SGMS2: variants seen among roughly 807,000 people sequenced by gnomAD.
SGMS2 encodes the protein sphingomyelin synthase 2.
In SGMS2, 21 loss-of-function variants were observed where a neutral mutation model predicts 43.8. That is an observed-to-expected ratio of 0.48 (90% CI 0.34 to 0.69). The LOEUF is 0.69. Among genes scored for constraint, SGMS2 ranks in the 30% least tolerant of loss-of-function variants. SGMS2 has a pLI of 0.01. For synonymous variants in SGMS2, 167 were observed against 160.6 expected, an observed-to-expected ratio of 1.04 and a Z score of -0.30; for missense variants, 384 against 443.2, an observed-to-expected ratio of 0.87 and a Z score of 1.20.
At chr4:107,895,196 T>C (rs1016187101) in intron 2 of SGMS2, 114 bp from the exon 3 acceptor site, 1 of 201,438 alleles carries the variant, frequency 5.0e-6, no homozygotes, top group Non-Finnish European at 1.0e-5. Context: ...TGACGTTACA[T>C]TTATAAAGCA....
intron 2 of SGMS2, among the ~76,000 whole-genome samples, chr4:107,873,077 C>T (rs1451844791): frequency 3.9e-5 from 6 of 152,170 alleles, no homozygotes; most frequent in Admixed American, 2.0e-4. Context: ...TTTTATGCTC[C>T]GTTCTGATTA....
rs1728005251 is a variant in SGMS2 at position 107,864,971 on chromosome 4, C to CT, written c.-245+6419dup. ...TACCATTTACATGAATTTAAGTTCT[C>CT]TATCTTTCATCAGGTATCTTTATGT... On this transcript the variant is annotated intron_variant, in intron 2 of 6. Coordinates refer to ENST00000690982, the MANE Select transcript of SGMS2 (RefSeq NM_001375905.1). Among the ~76,000 whole-genome samples, 18 of 152,260 alleles carry CT rather than the reference C, an allele frequency of 1.2e-4. No individual in the cohort carries two copies. The South Asian group carries it at 3.7e-3, about 32-fold the overall frequency.
At chr4:107,847,434 C>T (rs1483855601) in intron 1 of SGMS2, among the ~76,000 whole-genome samples, 4 of 151,844 alleles carry the variant, frequency 2.6e-5, no homozygotes, top group East Asian at 3.9e-4. Flanking sequence ...AGATATGCGG[C>T]GTTATTTCTG....
rs1490408902 is a variant in SGMS2, at chr4:107,829,999, ATAGG to A, written c.-327+4750_-327+4753del. Among the ~76,000 whole-genome samples the A allele has an allele frequency of 5.9e-5, 9 of 152,180 alleles. No homozygotes were observed. The South Asian group carries it at 1.9e-3, about 32-fold the overall frequency. On this transcript the variant is annotated intron_variant, in intron 1 of 6. Transcript: ENST00000690982. ...TGTCACTCAGATAGCATAGTACCTG[ATAGG>A]TAGTTTTTCAGTCTTCACCCTCCTC...
intron 2 of SGMS2, among the ~76,000 whole-genome samples, chr4:107,890,736 T>G (rs1730140512): frequency 6.6e-6 from 1 of 151,356 alleles, no homozygotes; most frequent in Non-Finnish European, 1.5e-5. Flanking sequence ...CATGAAGGCC[T>G]TTTAAATACA....
chr4:107,909,418 G>GC (rs1731918897), intron 6 of SGMS2, among the ~76,000 whole-genome samples: 1 of 152,040 alleles, frequency 6.6e-6, no homozygotes, highest in African/African-American at 2.4e-5. Context: ...GCCGATAGCA[G>GC]CTATTGTTTA....
chr4:107,896,065 T>C, intron 3 of SGMS2, 57 bp downstream of exon 3: 1 of 1,464,232 alleles, frequency 6.8e-7, no homozygotes, highest in Admixed American at 2.1e-5. Flanking sequence ...AGTGAATAGA[T>C]GGGTTATTGA....
chr4:107,858,860 TTG>T (rs756949867), intron 2 of SGMS2, among the ~76,000 whole-genome samples: 3 of 152,228 alleles, frequency 2.0e-5, no homozygotes, highest in Admixed American at 2.0e-4. Context: ...TCTAACCTGT[TTG>T]CATTACTGCC....
rs750615684 is a variant in SGMS2 at position 107,908,602 on chromosome 4, C to T, written c.765C>T (p.Cys255=). 1.9e-6 allele frequency: 3 copies of T among 1,614,044 alleles called. No individual in the cohort carries two copies. The highest frequency in any genetic ancestry group is 1.7e-4 in the Middle Eastern group (1 of 6,056). ...PRHFWWYHLI[C]WLLSAAGIIC... Reference sequence around the variant, plus strand: ...ACTTCTGGTGGTATCATTTAATCTGCTGGCTGCTGAGTGCTGCCGGGATCA... The same window carrying T: ...ACTTCTGGTGGTATCATTTAATCTGTTGGCTGCTGAGTGCTGCCGGGATCA... The change falls in exon 6 of 7, where the codon TGC becomes TGT. Residue 255 remains cysteine, a synonymous_variant. Coordinates refer to ENST00000690982, the MANE Select transcript of SGMS2 (RefSeq NM_001375905.1).
At chr4:107,890,970 C>G (rs968064717) in intron 2 of SGMS2, among the ~76,000 whole-genome samples, 1 of 152,090 alleles carries the variant, frequency 6.6e-6, no homozygotes, top group East Asian at 1.9e-4. Flanking sequence ...AAGGCAGAAC[C>G]CTAGCTATTG....
intron 1 of SGMS2, among the ~76,000 whole-genome samples, chr4:107,830,691 G>A (rs1183644492): frequency 6.6e-6 from 1 of 152,102 alleles, no homozygotes; most frequent in African/African-American, 2.4e-5. Flanking sequence ...TGAGAAGTCA[G>A]TTTGTGGGTT....
intron 2 of SGMS2, among the ~76,000 whole-genome samples, chr4:107,887,271 A>G (rs1303994542): frequency 6.6e-6 from 1 of 152,172 alleles, no homozygotes; most frequent in South Asian, 2.1e-4. Context: ...CACCTTCTAA[A>G]GAGGACCAAA....
intron 2 of SGMS2, among the ~76,000 whole-genome samples, chr4:107,860,744 C>T (rs1173499057): frequency 1.3e-5 from 2 of 152,078 alleles, no homozygotes; most frequent in East Asian, 1.9e-4. Context: ...AGGCTGGTTT[C>T]GAACTCCTGA....
At chr4:107,859,217 G>A (rs536109349) in intron 2 of SGMS2, among the ~76,000 whole-genome samples, 1 of 151,842 alleles carries the variant, frequency 6.6e-6, no homozygotes, top group South Asian at 2.1e-4. Context: ...TATATCTCTG[G>A]GCACCTTAAG....
At chr4:107,835,709 A>T (rs1578501044) in intron 1 of SGMS2, among the ~76,000 whole-genome samples, 1 of 152,352 alleles carries the variant, frequency 6.6e-6, no homozygotes, top group Non-Finnish European at 1.5e-5. Flanking sequence ...GTAGCCAAGT[A>T]AGAAAGCTTC....
Position 107,895,858 on chromosome 4 carries a change from A to T in SGMS2, c.305A>T (p.Glu102Val). The stretch of plus-strand genomic sequence containing the variant: ...ACCGTCATGATCACAGTTGTACATG[A>T]GAGGGTCCCTCCCAAGGAGCTTAGC... Reference protein sequence around the residue: ...LTTVMITVVHERVPPKELSPP... With the variant: ...LTTVMITVVHVRVPPKELSPP... The change falls in exon 3 of 7, where the codon GAG becomes GTG. Residue 102 changes from glutamate to valine, a missense_variant. By Grantham distance (121) the Glu-to-Val change is moderately radical. Coordinates refer to ENST00000690982, the MANE Select transcript of SGMS2 (RefSeq NM_001375905.1). 6.2e-7 allele frequency: 1 copy of T among 1,613,976 alleles called. No homozygotes were observed. The highest frequency in any genetic ancestry group is 8.5e-7 in the Non-Finnish European group (1 of 1,179,950).
chr4:107,844,728 T>C (rs1726716160), intron 1 of SGMS2, among the ~76,000 whole-genome samples: 1 of 152,150 alleles, frequency 6.6e-6, no homozygotes, highest in Non-Finnish European at 1.5e-5. Flanking sequence ...TCTATTCTCA[T>C]TAAGACTTAA....
intron 1 of SGMS2, among the ~76,000 whole-genome samples, chr4:107,840,761 C>T (rs765524575): frequency 1.3e-5 from 2 of 152,060 alleles, no homozygotes; most frequent in Non-Finnish European, 2.9e-5. Context: ...GCAGGTTATG[C>T]TCTAGGGCCA....
chr4:107,832,383 CTA>C (rs1348436609), intron 1 of SGMS2, among the ~76,000 whole-genome samples: 1 of 152,212 alleles, frequency 6.6e-6, no homozygotes, highest in Non-Finnish European at 1.5e-5. Context: ...CTTATATTCA[CTA>C]TGTGTCAGGG....
Sources: gnomAD v4.1 joint callset for allele counts (sites outside exome capture counted in the v4.1 genomes callset) on GRCh38, gnomAD v4.1.1 for gene constraint, MANE v1.5 for transcripts, NCBI Gene and HGNC (gene_info 2026-07-23, HGNC 2026-07-21) for gene names.